ULK4: variants seen among roughly 807,000 people sequenced by gnomAD.
ULK4 encodes the protein inactive serine/threonine-protein kinase ULK4.
A neutral mutation model predicts 160.6 loss-of-function variants in ULK4; 133 were observed. That is an observed-to-expected ratio of 0.83 (90% CI 0.72 to 0.96). The LOEUF is 0.96. Ranked by LOEUF, ULK4 falls within the 40% of genes least tolerant of loss-of-function variation. ULK4 has a pLI of 0.00. For synonymous variants in ULK4, 534 were observed against 539.8 expected, an observed-to-expected ratio of 0.99 and a Z score of 0.15; for missense variants, 1,580 against 1,499.5, an observed-to-expected ratio of 1.05 and a Z score of -0.89.
chr3:41,298,493 G>T (rs17055247), intron 35 of ULK4, among the ~76,000 whole-genome samples: 23,623 of 152,152 alleles, frequency 0.16, 2,197 homozygotes, highest in African/African-American at 0.25. Flanking sequence ...TGGAAACATT[G>T]AAATCTTCCT....
intron 30 of ULK4, among the ~76,000 whole-genome samples, chr3:41,656,530 C>T (rs1402119903): frequency 6.6e-6 from 1 of 152,106 alleles, no homozygotes; most frequent in Non-Finnish European, 1.5e-5. Flanking sequence ...ACTTTCTTAT[C>T]GTTGATTTTT....
chr3:41,663,765 A>C (rs1403833486), intron 29 of ULK4, 66 bp from the exon 30 acceptor site: 5 of 1,293,716 alleles, frequency 3.9e-6, no homozygotes, highest in African/African-American at 1.5e-5. Flanking sequence ...TGAATTCTAT[A>C]TCCAGCCAAA....
rs1254560392 is a variant in ULK4, at chr3:41,511,150, G to A, written c.3227-47897C>T. ...TGCACTCCAGCCTGGGCGACAGAGC[G>A]AGACTCCGTCTCAAAAAAAAAAAAA... On this transcript the variant is annotated intron_variant, in intron 32 of 36. Coordinates refer to ENST00000301831, the MANE Select transcript of ULK4 (RefSeq NM_017886.4). Among the ~76,000 whole-genome samples, 26 of 124,492 alleles carry A rather than the reference G, an allele frequency of 2.1e-4. No individual in the cohort carries two copies. In the East Asian group the frequency reaches 3.0e-3, roughly 15 times the overall value. The allele number at this position is 124,492 out of a possible 152,430, so 81.7% of individuals were successfully genotyped here. A position where few individuals can be genotyped will look rare whatever the true frequency, so the allele number is the denominator to read the frequency against.
At chr3:41,365,154 T>A (rs2081231342) in intron 35 of ULK4, among the ~76,000 whole-genome samples, 1 of 152,218 alleles carries the variant, frequency 6.6e-6, no homozygotes, top group South Asian at 2.1e-4. Flanking sequence ...GTTTGCCAGA[T>A]AATCTCAATA....
At chr3:41,934,175 T>C (rs1699687728) in intron 4 of ULK4, among the ~76,000 whole-genome samples, 1 of 152,216 alleles carries the variant, frequency 6.6e-6, no homozygotes, top group South Asian at 2.1e-4. Context: ...TATCCATAAA[T>C]GAAGTTACTG....
intron 21 of ULK4, among the ~76,000 whole-genome samples, chr3:41,763,627 G>C (rs956758740): frequency 6.6e-6 from 1 of 152,168 alleles, no homozygotes; most frequent in Non-Finnish European, 1.5e-5. Context: ...GGGTTGTTTA[G>C]AGTTTGGGTC....
At chr3:41,623,237 C>T (rs1046360346) in intron 30 of ULK4, among the ~76,000 whole-genome samples, 2 of 152,024 alleles carry the variant, frequency 1.3e-5, no homozygotes, top group African/African-American at 2.4e-5. Context: ...TAACATCTGG[C>T]CTCCCAGGAG....
At chr3:41,418,965 T>C (rs1180626497) in intron 34 of ULK4, among the ~76,000 whole-genome samples, 1 of 152,170 alleles carries the variant, frequency 6.6e-6, no homozygotes, top group Non-Finnish European at 1.5e-5. Flanking sequence ...AGACAGCCTA[T>C]GCAAGTGAGG....
intron 23 of ULK4, among the ~76,000 whole-genome samples, chr3:41,717,233 C>T (rs1040422680): frequency 2.6e-5 from 4 of 151,874 alleles, no homozygotes; most frequent in Non-Finnish European, 4.4e-5. Context: ...ATACATATAA[C>T]AAAATTTCTC....
At chr3:41,788,643 T>G (rs879292157) in intron 21 of ULK4, among the ~76,000 whole-genome samples, 1 of 150,872 alleles carries the variant, frequency 6.6e-6, no homozygotes. Flanking sequence ...TGAGCTGAGA[T>G]CACACCACTG....
chr3:41,817,338 T>G (rs1575759882), intron 19 of ULK4, among the ~76,000 whole-genome samples: 1 of 152,216 alleles, frequency 6.6e-6, no homozygotes, highest in Non-Finnish European at 1.5e-5. Flanking sequence ...CATCCACTGA[T>G]GGACACCTAG....
chr3:41,283,778 GAACA>G (rs373967992), intron 35 of ULK4, among the ~76,000 whole-genome samples: 48 of 151,174 alleles, frequency 3.2e-4, no homozygotes, highest in African/African-American at 7.8e-4. Flanking sequence ...ATGTACCGTA[GAACA>G]AACAAACAAA....
rs535121276 is a variant in ULK4 at position 41,920,873 on chromosome 3, TGCTG to T, written c.542-1059_542-1056del. Among the ~76,000 whole-genome samples the T allele has an allele frequency of 4.0e-3, 606 of 152,314 alleles. 3 individuals carry two copies. Among genetic ancestry groups the T allele is most frequent in the African/African-American group, 0.014 (575 of 41,564 alleles). On this transcript the variant is annotated intron_variant, in intron 5 of 36. Coordinates refer to ENST00000301831, the MANE Select transcript of ULK4 (RefSeq NM_017886.4). ...GGAAGGTATATTTGCCTGCACCAGC[TGCTG>T]AGGAAACAAAGACAAATAACGCCCA... is the stretch of plus-strand genomic sequence containing the variant.
Position 41,401,856 on chromosome 3 carries a change from G to A in ULK4, c.3493-3592C>T, listed in dbSNP as rs532140524. ...TGGAAAAGTTGATGAAGTTGCTATC[G>A]ACAAGGATGTAGTAAGGTGGGCCCA... On this transcript the variant is annotated intron_variant, in intron 34 of 36. Coordinates refer to ENST00000301831, the MANE Select transcript of ULK4 (RefSeq NM_017886.4). Among the ~76,000 whole-genome samples, 3 of 152,268 alleles carry A rather than the reference G, an allele frequency of 2.0e-5. No individual in the cohort carries two copies. In the East Asian group the frequency reaches 5.8e-4, roughly 29 times the overall value.
In ULK4 at chr3:41,717,824, T is replaced by C. The variant is rs375710097; in HGVS notation, c.2359A>G (p.Thr787Ala). 1.9e-6 allele frequency: 3 copies of C among 1,613,886 alleles called. No individual in the cohort carries two copies. The highest frequency in any genetic ancestry group is 2.5e-6 in the Non-Finnish European group (3 of 1,180,000). ...MYIERDSRKTTPGKEQQSGNE... is the reference protein window; with the variant it reads ...MYIERDSRKTAPGKEQQSGNE... The stretch of plus-strand genomic sequence containing the variant: ...CCACTTTGCTGCTCCTTGCCTGGAG[T>C]GGTCTTTCTGCTGTCTCTCTCGATG... The change falls in exon 23 of 37, where the codon ACT becomes GCT. Residue 787 changes from threonine to alanine, a missense_variant. Transcript: ENST00000301831.
intron 21 of ULK4, among the ~76,000 whole-genome samples, chr3:41,762,328 T>G (rs946702127): frequency 1.3e-5 from 2 of 152,180 alleles, no homozygotes; most frequent in African/African-American, 4.8e-5. Flanking sequence ...CTGTTCTTTA[T>G]TTCCATGAGT....
At chr3:41,436,052 G>A (rs2083029322) in intron 34 of ULK4, among the ~76,000 whole-genome samples, 1 of 152,202 alleles carries the variant, frequency 6.6e-6, no homozygotes, top group Non-Finnish European at 1.5e-5. Flanking sequence ...TGGTGGGAAA[G>A]CGATACGCAT....
At chr3:41,606,713 G>T (rs1473961364) in intron 31 of ULK4, among the ~76,000 whole-genome samples, 1 of 151,996 alleles carries the variant, frequency 6.6e-6, no homozygotes, top group Non-Finnish European at 1.5e-5. Context: ...TTTCCCCAGT[G>T]ATTAGTGATG....
At chr3:41,857,556 A>G (rs756351091) in intron 17 of ULK4, among the ~76,000 whole-genome samples, 17 of 152,080 alleles carry the variant, frequency 1.1e-4, no homozygotes, top group Non-Finnish European at 2.5e-4. Context: ...GTTCTGCTTT[A>G]AATGTTAGGT....
Sources: gnomAD v4.1 joint callset for allele counts (sites outside exome capture counted in the v4.1 genomes callset) on GRCh38, gnomAD v4.1.1 for gene constraint, MANE v1.5 for transcripts, NCBI Gene and HGNC (gene_info 2026-07-23, HGNC 2026-07-21) for gene names.